SYNPO2: variants seen among roughly 807,000 people sequenced by gnomAD.
The protein encoded by SYNPO2 is synaptopodin 2, also known as synaptopodin-2.
SYNPO2 carries 56 observed loss-of-function variants against 85.0 expected under a neutral mutation model. The ratio of observed to expected loss-of-function variants is 0.66; its 90% CI spans 0.53 to 0.82. The LOEUF (loss-of-function observed/expected upper bound fraction) is 0.82. Ranked by LOEUF, SYNPO2 falls within the 40% of genes least tolerant of loss-of-function variation. SYNPO2 has a pLI of 0.00. For missense variants in SYNPO2, 1,575 were observed against 1,534.2 expected (o/e 1.03, Z -0.44); for synonymous variants, 602 against 591.1 (o/e 1.02, Z -0.27).
chr4:118,934,436 T>A (rs1347691686), intron 1 of SYNPO2, among the ~76,000 whole-genome samples: 1 of 152,180 alleles, frequency 6.6e-6, no homozygotes, highest in Non-Finnish European at 1.5e-5. Flanking sequence ...AATGCATAAC[T>A]CATGGGAAGA....
chr4:118,894,837 T>TAA (rs375833064), intron 1 of SYNPO2, among the ~76,000 whole-genome samples: 2 of 142,924 alleles, frequency 1.4e-5, no homozygotes, highest in African/African-American at 2.6e-5. Flanking sequence ...ATTCACATTT[T>TAA]AAAAAAAAAA....
intron 1 of SYNPO2, among the ~76,000 whole-genome samples, chr4:118,863,133 G>A (rs1276310892): frequency 6.6e-6 from 1 of 152,042 alleles, no homozygotes; most frequent in African/African-American, 2.4e-5. Flanking sequence ...TTTCAAATGT[G>A]TATTTGTCTG....
intron 4 of SYNPO2, among the ~76,000 whole-genome samples, chr4:119,050,662 A>T (rs371633204): frequency 2.6e-5 from 4 of 152,202 alleles, no homozygotes; most frequent in South Asian, 4.1e-4. Flanking sequence ...ATGCCTCCTT[A>T]GTGTTAAGCC....
intron 1 of SYNPO2, among the ~76,000 whole-genome samples, chr4:118,933,598 G>A (rs1039748348): frequency 6.6e-6 from 1 of 152,104 alleles, no homozygotes; most frequent in Non-Finnish European, 1.5e-5. Flanking sequence ...ATCCAGCTAA[G>A]GATGACTTAT....
At chr4:119,004,617 A>C (rs944199341) in intron 1 of SYNPO2, among the ~76,000 whole-genome samples, 7 of 146,016 alleles carry the variant, frequency 4.8e-5, no homozygotes, top group African/African-American at 1.7e-4. Context: ...TTCTTAATCC[A>C]GTCTATCATT....
intron 1 of SYNPO2, among the ~76,000 whole-genome samples, chr4:118,915,485 T>C (rs949889622): frequency 1.2e-4 from 18 of 152,350 alleles, no homozygotes; most frequent in Middle Eastern, 3.4e-3. Context: ...CTTAAGATAT[T>C]ACCACTAGGA....
chr4:118,941,752 A>ATCT (rs1734318893), intron 1 of SYNPO2, among the ~76,000 whole-genome samples: 1 of 152,154 alleles, frequency 6.6e-6, no homozygotes, highest in Admixed American at 6.5e-5. Context: ...GCTTTTTATG[A>ATCT]CTTACATTTC....
intron 4 of SYNPO2, among the ~76,000 whole-genome samples, chr4:119,041,098 T>G (rs981166153): frequency 1.3e-5 from 2 of 152,242 alleles, no homozygotes; most frequent in Admixed American, 1.3e-4. Context: ...TTGTGGGTTT[T>G]CTGGTACTTC....
intron 1 of SYNPO2, among the ~76,000 whole-genome samples, chr4:118,999,025 T>G (rs1228845879): frequency 6.6e-6 from 1 of 152,230 alleles, no homozygotes; most frequent in Non-Finnish European, 1.5e-5. Context: ...CTCAAAGATT[T>G]AGTTTTGTCT....
chr4:119,030,894 A>G lies in SYNPO2; in HGVS notation c.2119A>G (p.Asn707Asp). Reference protein sequence around the residue: ...FTFKEPKVSPNPELLSLLQNS... With the variant: ...FTFKEPKVSPDPELLSLLQNS... ...TTTTAAAGAGCCCAAAGTAAGCCCA[A>G]ATCCTGAACTCTTGTCACTCCTTCA... is the stretch of plus-strand genomic sequence containing the variant. The change falls in exon 4 of 5, where the codon AAT becomes GAT. Residue 707 changes from asparagine to aspartate, a missense_variant. Asn to Asp is a conservative substitution (Grantham distance 23, BLOSUM62 1). Coordinates refer to ENST00000307142, the MANE Select transcript of SYNPO2 (RefSeq NM_133477.3). The G allele has an allele frequency of 6.2e-7, 1 of 1,614,148 alleles. No homozygotes were observed. The highest frequency in any genetic ancestry group is 8.5e-7 in the Non-Finnish European group (1 of 1,180,028).
In SYNPO2 at chr4:118,996,065, T is replaced by TA. The variant is rs770179594; in HGVS notation, c.106-27364dup. Among the ~76,000 whole-genome samples the TA allele has an allele frequency of 7.4e-4, 113 of 152,186 alleles. 1 individual carries two copies. The highest frequency in any genetic ancestry group is 2.6e-4 in the Admixed American group (4 of 15,276). On this transcript the variant is annotated intron_variant, in intron 1 of 4. Transcript: ENST00000307142. ...CTACAATGGAAAGCCTGAACTCCAT[T>TA]ATGCGGCATACACAAACTTTTCATC... is the stretch of plus-strand genomic sequence containing the variant.
chr4:119,014,847 T>C (rs1159622375), intron 1 of SYNPO2, among the ~76,000 whole-genome samples: 1 of 152,196 alleles, frequency 6.6e-6, no homozygotes, highest in Non-Finnish European at 1.5e-5. Context: ...ACCAGACAGT[T>C]TTTTTGTCAA....
chr4:118,900,679 CTCTCTCTCTCTCTCTCTCTCTCTCTA>C (rs1169530105), intron 1 of SYNPO2, among the ~76,000 whole-genome samples: 13 of 36,490 alleles, frequency 3.6e-4, no homozygotes, highest in African/African-American at 1.0e-3. Flanking sequence ...CTCTCTCTCT[CTCTCTCTCTCTCTCTCTCTCTCTCTA>C]TATATATATA....
At chr4:118,861,987 T>C (rs1490502613) in intron 1 of SYNPO2, among the ~76,000 whole-genome samples, 1 of 152,238 alleles carries the variant, frequency 6.6e-6, no homozygotes, top group Non-Finnish European at 1.5e-5. Flanking sequence ...GGAATATCTT[T>C]CCATTTTTTT....
Position 118,958,528 on chromosome 4 carries a change from G to A in SYNPO2, c.106-64902G>A, listed in dbSNP as rs146858241. Among the ~76,000 whole-genome samples the A allele has an allele frequency of 1.7e-4, 26 of 152,216 alleles. No individual in the cohort carries two copies. The East Asian group carries it at 5.0e-3, about 29-fold the overall frequency. Reference sequence around the variant, plus strand: ...TACTGTGTTTACCCGTTGGGATCTTGTGGTGGGTAGGTGTGAGGGTGGGCA... The same window carrying A: ...TACTGTGTTTACCCGTTGGGATCTTATGGTGGGTAGGTGTGAGGGTGGGCA... On this transcript the variant is annotated intron_variant, in intron 1 of 4. Coordinates refer to ENST00000307142, the MANE Select transcript of SYNPO2 (RefSeq NM_133477.3).
chr4:119,032,071 G>A (rs766794749), intron 4 of SYNPO2, 44 bp downstream of exon 4: 2 of 1,602,594 alleles, frequency 1.2e-6, no homozygotes, highest in South Asian at 1.1e-5. Context: ...TGTAGCTGAA[G>A]CTGAGTGTCC....
chr4:118,950,753 G>A (rs1246397848), intron 1 of SYNPO2, among the ~76,000 whole-genome samples: 6 of 152,188 alleles, frequency 3.9e-5, no homozygotes, highest in Admixed American at 1.3e-4. Flanking sequence ...CTTGGTTAGT[G>A]AGGTCCCACA....
chr4:118,895,087 T>C (rs1732509045), intron 1 of SYNPO2, among the ~76,000 whole-genome samples: 1 of 152,208 alleles, frequency 6.6e-6, no homozygotes, highest in Non-Finnish European at 1.5e-5. Context: ...TTTCTTCCAG[T>C]AACTGCTTTC....
intron 1 of SYNPO2, among the ~76,000 whole-genome samples, chr4:118,889,874 A>G (rs991176321): frequency 6.6e-6 from 1 of 152,216 alleles, no homozygotes; most frequent in Admixed American, 6.5e-5. Flanking sequence ...TGCCTGCATT[A>G]CTGGTTAGCC....
Sources: gnomAD v4.1 joint callset for allele counts (sites outside exome capture counted in the v4.1 genomes callset) on GRCh38, gnomAD v4.1.1 for gene constraint, MANE v1.5 for transcripts, NCBI Gene and HGNC (gene_info 2026-07-23, HGNC 2026-07-21) for gene names.